Variants in EDIL3 observed in about 807,000 individuals in gnomAD.
EDIL3 encodes the protein EGF-like repeat and discoidin I-like domain-containing protein 3.
Under a neutral mutation model 67.4 loss-of-function variants are expected in EDIL3, and 37 were observed. That is an observed-to-expected ratio of 0.55 (90% CI 0.42 to 0.72). EDIL3 has a LOEUF of 0.72. Among genes scored for constraint, EDIL3 ranks in the 30% least tolerant of loss-of-function variants. The pLI is 0.00. For synonymous variants in EDIL3, 195 were observed against 196.3 expected (o/e 0.99, Z 0.05); for missense variants, 527 against 586.3 (o/e 0.90, Z 1.04).
intron 9 of EDIL3, among the ~76,000 whole-genome samples, chr5:83,983,658 G>A (rs969180062): frequency 2.6e-5 from 4 of 151,832 alleles, no homozygotes; most frequent in South Asian, 2.1e-4. Context: ...AATGCACAAT[G>A]GGGGAAAGGT....
intron 1 of EDIL3, among the ~76,000 whole-genome samples, chr5:84,343,994 C>T (rs1462763937): frequency 6.6e-6 from 1 of 152,040 alleles, no homozygotes; most frequent in Non-Finnish European, 1.5e-5. Context: ...TGAAGGAGAA[C>T]ACCACTTTTC....
At chr5:84,372,771 G>A (rs988341775) in intron 1 of EDIL3, among the ~76,000 whole-genome samples, 2 of 152,136 alleles carry the variant, frequency 1.3e-5, no homozygotes, top group East Asian at 3.9e-4. Context: ...GCCTTAGGTT[G>A]TTGTGGGTTT....
chr5:84,341,201 T>A (rs1747109715), intron 1 of EDIL3, among the ~76,000 whole-genome samples: 2 of 151,888 alleles, frequency 1.3e-5, no homozygotes, highest in African/African-American at 4.8e-5. Flanking sequence ...ATTTATGGAG[T>A]GATATACACT....
chr5:84,178,980 A>G (rs1748969496), intron 4 of EDIL3, among the ~76,000 whole-genome samples: 1 of 152,206 alleles, frequency 6.6e-6, no homozygotes. Flanking sequence ...ATGAAGCTAT[A>G]TTTTATATAT....
intron 9 of EDIL3, among the ~76,000 whole-genome samples, chr5:83,965,746 C>T (rs1350070276): frequency 1.3e-5 from 2 of 152,010 alleles, no homozygotes; most frequent in Admixed American, 6.6e-5. Context: ...CCCACTCTAA[C>T]GGCTCCCCTT....
intron 3 of EDIL3, among the ~76,000 whole-genome samples, chr5:84,211,806 C>T (rs928508804): frequency 1.3e-5 from 2 of 152,078 alleles, no homozygotes; most frequent in Non-Finnish European, 2.9e-5. Context: ...TGTTTTAAGC[C>T]ACAGAGGTTG....
chr5:84,214,488 T>C (rs1744187681), intron 3 of EDIL3, among the ~76,000 whole-genome samples: 1 of 152,128 alleles, frequency 6.6e-6, no homozygotes, highest in African/African-American at 2.4e-5. Flanking sequence ...TTCTTATTAA[T>C]ATTTTGTATT....
At chr5:84,260,811 AT>A (rs1745211568) in intron 1 of EDIL3, among the ~76,000 whole-genome samples, 2 of 152,208 alleles carry the variant, frequency 1.3e-5, no homozygotes, top group Admixed American at 6.5e-5. Context: ...AGAAATTTGT[AT>A]ACAGATATAG....
intron 3 of EDIL3, among the ~76,000 whole-genome samples, chr5:84,199,035 G>A (rs958294843): frequency 6.6e-6 from 1 of 151,944 alleles, no homozygotes; most frequent in African/African-American, 2.4e-5. Flanking sequence ...CTAGTGGGTA[G>A]GTAATGAAGT....
At chr5:84,109,284 T>A (rs1747517492) in intron 5 of EDIL3, among the ~76,000 whole-genome samples, 1 of 152,166 alleles carries the variant, frequency 6.6e-6, no homozygotes, top group Non-Finnish European at 1.5e-5. Context: ...GGCAGGTGGA[T>A]CACCTGAGGT....
At chr5:84,171,961 C>G (rs1384933728) in intron 4 of EDIL3, among the ~76,000 whole-genome samples, 4 of 152,086 alleles carry the variant, frequency 2.6e-5, no homozygotes, top group Admixed American at 2.6e-4. Context: ...CATTGGGGTC[C>G]TTATTAAATA....
chr5:84,180,461 C>T lies in EDIL3; in HGVS notation c.287G>A (p.Arg96Gln), dbSNP rs751228103. The T allele has an allele frequency of 1.2e-5, 19 of 1,608,578 alleles. No individual in the cohort carries two copies. The highest frequency in any genetic ancestry group is 4.5e-5 in the East Asian group (2 of 44,638). Residue 96 changes from arginine to glutamine, a missense_variant, in exon 4 of 11, where the codon CGA becomes CAA. Arg to Gln is a conservative substitution (Grantham distance 43). Coordinates refer to ENST00000296591, the MANE Select transcript of EDIL3 (RefSeq NM_005711.5). ...GGTCEISEAY[R>Q]GDTFIGYVCK... ...AACATAGCCTATGAATGTATCCCCTCGGTATGCTTCACTTATTTCACAGGT... is the reference window on the plus strand; with the variant it reads ...AACATAGCCTATGAATGTATCCCCTTGGTATGCTTCACTTATTTCACAGGT...
intron 9 of EDIL3, among the ~76,000 whole-genome samples, chr5:84,042,907 A>T (rs1352557705): frequency 3.3e-5 from 5 of 152,318 alleles, no homozygotes; most frequent in African/African-American, 1.2e-4. Flanking sequence ...AGTTTAATGT[A>T]TGTCAGAACC....
At chr5:84,165,083 A>G (rs1339365804) in intron 4 of EDIL3, among the ~76,000 whole-genome samples, 2 of 152,080 alleles carry the variant, frequency 1.3e-5, no homozygotes, top group Non-Finnish European at 2.9e-5. Context: ...TAAATTAAGG[A>G]AGTTAGATCA....
chr5:84,195,788 C>G (rs1037278253), intron 3 of EDIL3, among the ~76,000 whole-genome samples: 1 of 151,906 alleles, frequency 6.6e-6, no homozygotes, highest in African/African-American at 2.4e-5. Flanking sequence ...TTCTATTAAA[C>G]TTGATGTAAT....
At chr5:84,114,135 A>G (rs1747622323) in intron 5 of EDIL3, among the ~76,000 whole-genome samples, 1 of 150,462 alleles carries the variant, frequency 6.6e-6, no homozygotes, top group African/African-American at 2.5e-5. Flanking sequence ...TGAGGGTTTA[A>G]AGGAACCCTA....
rs150168841 is a variant in EDIL3 at position 84,239,625 on chromosome 5, C to T, written c.197-9741G>A. Among the ~76,000 whole-genome samples, 1,166 of 152,300 alleles carry T rather than the reference C, an allele frequency of 7.7e-3. 14 individuals carry two copies. Among genetic ancestry groups the T allele is most frequent in the African/African-American group, 0.026 (1,100 of 41,566 alleles). On this transcript the variant is annotated intron_variant, in intron 2 of 10. Transcript: ENST00000296591. ...GAGTACTGGGAACTGGTAATCTTAT[C>T]TTCTTGCTGCCTAAAGGCAAGATTA...
intron 4 of EDIL3, among the ~76,000 whole-genome samples, chr5:84,154,949 C>T (rs945792496): frequency 6.6e-6 from 1 of 152,030 alleles, no homozygotes; most frequent in Non-Finnish European, 1.5e-5. Flanking sequence ...ATCCTCCTGC[C>T]TCGGCGTCCC....
intron 4 of EDIL3, among the ~76,000 whole-genome samples, chr5:84,144,954 T>G (rs1748267573): frequency 6.6e-6 from 1 of 152,102 alleles, no homozygotes; most frequent in African/African-American, 2.4e-5. Flanking sequence ...TCAGCTATGA[T>G]TCACATAGCT....
Sources: allele counts gnomAD v4.1 joint callset (sites outside exome capture counted in the v4.1 genomes callset), GRCh38; gene constraint gnomAD v4.1.1; transcripts MANE v1.5; gene names NCBI Gene and HGNC (gene_info 2026-07-23, HGNC 2026-07-21).